TNS1: variants seen among roughly 807,000 people sequenced by gnomAD.
TNS1 encodes tensin 1.
TNS1 carries 62 observed loss-of-function variants against 168.6 expected under a neutral mutation model. The observed-to-expected ratio is 0.37, with a 90% CI of 0.30 to 0.45. The LOEUF (loss-of-function observed/expected upper bound fraction) is 0.45. Ranked by LOEUF, TNS1 falls within the 20% of genes least tolerant of loss-of-function variation. TNS1 has a pLI of 1.00. For missense variants in TNS1, 2,240 were observed against 2,339.4 expected, an observed-to-expected ratio of 0.96 and a Z score of 0.88; for synonymous variants, 934 against 933.2, an observed-to-expected ratio of 1.00 and a Z score of -0.02.
intron 2 of TNS1, among the ~76,000 whole-genome samples, chr2:217,981,872 T>G (rs2126059387): frequency 6.6e-6 from 1 of 152,324 alleles, no homozygotes; most frequent in Admixed American, 6.5e-5. Context: ...GATGAAATAT[T>G]CAGATGTGTT....
intron 24 of TNS1, among the ~76,000 whole-genome samples, chr2:217,816,218 C>T (rs1168354501): frequency 1.3e-5 from 2 of 152,108 alleles, no homozygotes; most frequent in African/African-American, 4.8e-5. Context: ...ATGTGCGGCC[C>T]TCACTCTCAA....
intron 21 of TNS1, among the ~76,000 whole-genome samples, chr2:217,833,919 T>C (rs965282937): frequency 1.3e-5 from 2 of 152,280 alleles, no homozygotes; most frequent in African/African-American, 4.8e-5. Flanking sequence ...TATAAGAGAT[T>C]GTAAAATAGC....
chr2:217,906,371 G>A lies in TNS1; in HGVS notation c.285C>T (p.Ser95=). Residue 95 remains serine, a synonymous_variant, in exon 6 of 33, where the codon TCC becomes TCT. Coordinates refer to ENST00000682258, the MANE Select transcript of TNS1 (RefSeq NM_001387777.1). Reference sequence around the variant, plus strand: ...GGCTTTTCCGTGTGTTTCCACCCCGGGAGGCTCCTTCTCCCTGCAGACAGA... The same window carrying A: ...GGCTTTTCCGTGTGTTTCCACCCCGAGAGGCTCCTTCTCCCTGCAGACAGA... ...KNVVDKGEGA[S]RGGNTRKSLE... 2 of 702,280 alleles carry A rather than the reference G, an allele frequency of 2.8e-6. No individual in the cohort carries two copies. Among genetic ancestry groups the A allele is most frequent in the South Asian group, 3.0e-5 (2 of 67,494 alleles). The allele number at this position is 702,280 out of a possible 1,614,324, so 43.5% of individuals were successfully genotyped here.
At chr2:217,908,598 G>A (rs146481724) in intron 4 of TNS1, among the ~76,000 whole-genome samples, 29 of 152,302 alleles carry the variant, frequency 1.9e-4, no homozygotes, top group South Asian at 6.2e-4. Context: ...CGTCAGGGAG[G>A]AGGAGTGGGC....
chr2:217,814,854 G>A (rs1400619969), intron 25 of TNS1, 58 bp downstream of exon 25: 16 of 1,462,488 alleles, frequency 1.1e-5, no homozygotes, highest in Non-Finnish European at 1.5e-5. Context: ...GCCCAGGGAA[G>A]ACACAGCAGG....
intron 1 of TNS1, among the ~76,000 whole-genome samples, chr2:218,029,159 A>G (rs35743120): frequency 6.6e-6 from 1 of 152,262 alleles, no homozygotes; most frequent in South Asian, 2.1e-4. Context: ...GTGGACCCCC[A>G]CCCACCCCAC....
chr2:217,835,202 C>T (rs1454450091), intron 20 of TNS1, 36 bp from the exon 21 acceptor site: 4 of 1,585,028 alleles, frequency 2.5e-6, no homozygotes, highest in Non-Finnish European at 3.4e-6. Context: ...AGAGGGAAAC[C>T]ATGAGAAGGA....
intron 1 of TNS1, among the ~76,000 whole-genome samples, chr2:218,001,655 ACTCT>A (rs1958565593): frequency 6.6e-6 from 1 of 151,716 alleles, no homozygotes; most frequent in Non-Finnish European, 1.5e-5. Flanking sequence ...CTCCCCAGTC[ACTCT>A]CAATCTATTA....
chr2:217,925,703 A>C (rs1955984266), intron 3 of TNS1, among the ~76,000 whole-genome samples: 1 of 152,192 alleles, frequency 6.6e-6, no homozygotes, highest in South Asian at 2.1e-4. Flanking sequence ...CGGTGGCATT[A>C]AGTACATTCA....
intron 6 of TNS1, chr2:217,903,794 C>G (rs1264599784): frequency 6.6e-6 from 4 of 606,276 alleles, no homozygotes; most frequent in African/African-American, 5.5e-5. Flanking sequence ...GATCACCACT[C>G]AGACACTACT....
rs367840743 is a variant in TNS1, at chr2:217,821,950, A to G, written c.3374-12T>C. 91 of 1,573,906 alleles carry G rather than the reference A, an allele frequency of 5.8e-5. 2 individuals carry two copies. The East Asian group carries it at 1.4e-3, about 24-fold the overall frequency. ...ATAGCTCCGGGGCTCTGGAAGGGGCAAGAGGACAGAGACACTGAGCACAGA... is the reference window on the plus strand; with the variant it reads ...ATAGCTCCGGGGCTCTGGAAGGGGCGAGAGGACAGAGACACTGAGCACAGA... On this transcript the variant is annotated splice_polypyrimidine_tract_variant and intron_variant, in intron 22 of 32. Transcript: ENST00000682258.
intron 18 of TNS1, chr2:217,850,417 C>T: frequency 1.0e-6 from 1 of 985,296 alleles, no homozygotes; most frequent in Non-Finnish European, 1.2e-6. Context: ...TGTCTGCAGA[C>T]AGCTCTGAGG....
At chr2:217,979,764 A>C (rs1957994302) in intron 2 of TNS1, among the ~76,000 whole-genome samples, 1 of 151,912 alleles carries the variant, frequency 6.6e-6, no homozygotes, top group Non-Finnish European at 1.5e-5. Flanking sequence ...GCTGCCCAGG[A>C]CCTGCTAAGG....
At chr2:217,851,773 C>T (rs1013805664) in intron 18 of TNS1, among the ~76,000 whole-genome samples, 25 of 152,220 alleles carry the variant, frequency 1.6e-4, no homozygotes, top group African/African-American at 5.3e-4. Flanking sequence ...GTAAAGGGGT[C>T]CTCTCCCTGT....
chr2:217,847,493 G>C lies in TNS1; in HGVS notation c.3007+17C>G. 1 of 1,435,412 alleles carries C rather than the reference G, an allele frequency of 7.0e-7. No individual in the cohort carries two copies. The highest frequency in any genetic ancestry group is 1.4e-5 in the African/African-American group (1 of 71,018). The allele number at this position is 1,435,412 out of a possible 1,614,324, so 88.9% of individuals were successfully genotyped here. On this transcript the variant is annotated intron_variant, in intron 19 of 32. Coordinates refer to ENST00000682258, the MANE Select transcript of TNS1 (RefSeq NM_001387777.1). ...ATAAGGAAGGGGTAGAAGGAGTCAG[G>C]ACTGAATACCTCTTACCTGCTACCC...
chr2:217,868,867 C>A (rs1559270499), intron 18 of TNS1, among the ~76,000 whole-genome samples: 1 of 152,238 alleles, frequency 6.6e-6, no homozygotes, highest in African/African-American at 2.4e-5. Flanking sequence ...CCCTTCCCAG[C>A]CTACTCTAAG....
At chr2:217,819,536 T>C (rs13394030) in intron 23 of TNS1, among the ~76,000 whole-genome samples, 10,879 of 152,228 alleles carry the variant, frequency 0.071, 435 homozygotes, top group South Asian at 0.12. Context: ...CTGAAACAAC[T>C]CAGTTCAGAG....
intron 3 of TNS1, among the ~76,000 whole-genome samples, chr2:217,955,998 G>A (rs1449493558): frequency 6.6e-6 from 1 of 152,104 alleles, no homozygotes; most frequent in African/African-American, 2.4e-5. Context: ...TGGGAGGGGT[G>A]TCCTTGGAAC....
rs1047161092 is a variant in TNS1, at chr2:217,813,959, C to T, written c.4730-143G>A. 5.1e-5 allele frequency: 52 copies of T among 1,027,142 alleles called. No homozygotes were observed. Among genetic ancestry groups the T allele is most frequent in the South Asian group, 8.2e-5 (4 of 48,516 alleles). 63.6% of individuals were successfully genotyped at this position (1,027,142 alleles called of 1,614,324 possible). ...TAAAGTTAAAATTTAACTACTCCTA[C>T]GGGTCTTCCTGTACTCAGGTTGGCA... On this transcript the variant is annotated intron_variant, in intron 25 of 32. Coordinates refer to ENST00000682258, the MANE Select transcript of TNS1 (RefSeq NM_001387777.1). This position sits in a 1 kb window ranked among gnomAD's most constrained non-coding sequence, Gnocchi z 4.0.
Sources: allele counts gnomAD v4.1 joint callset (sites outside exome capture counted in the v4.1 genomes callset), GRCh38; gene constraint gnomAD v4.1.1; non-coding constraint Gnocchi (gnomAD v3.1); transcripts MANE v1.5; gene names NCBI Gene and HGNC (gene_info 2026-07-23, HGNC 2026-07-21).